ACTN4: variants seen among roughly 807,000 people sequenced by gnomAD.
The protein encoded by ACTN4 is actinin alpha 4, also known as alpha-actinin-4.
A neutral mutation model predicts 114.2 loss-of-function variants in ACTN4; 18 were observed. That is an observed-to-expected ratio of 0.16 (90% CI 0.11 to 0.23). The LOEUF is 0.23. Ranked by LOEUF, ACTN4 falls within the 10% of genes least tolerant of loss-of-function variation. The pLI is 1.00. For missense variants in ACTN4, 722 were observed against 1,262.9 expected, an observed-to-expected ratio of 0.57 and a Z score of 6.49; for synonymous variants, 515 against 506.3, an observed-to-expected ratio of 1.02 and a Z score of -0.23.
intron 19 of ACTN4, chr19:38,728,361 A>G: frequency 1.4e-6 from 2 of 1,414,516 alleles, no homozygotes; most frequent in Non-Finnish European, 1.9e-6. Flanking sequence ...GGCTCTGCTT[A>G]TCTCCACAGG....
chr19:38,685,738 A>T (rs934900160), intron 1 of ACTN4, among the ~76,000 whole-genome samples: 1 of 152,090 alleles, frequency 6.6e-6, no homozygotes, highest in African/African-American at 2.4e-5. Context: ...GCTCCACCCT[A>T]GCTGGGATGC....
At chr19:38,691,403 AAAAAAAAAAAAC>A (rs1188589320) in intron 1 of ACTN4, among the ~76,000 whole-genome samples, 1 of 143,806 alleles carries the variant, frequency 7.0e-6, no homozygotes, top group Non-Finnish European at 1.5e-5. Context: ...CTCCGTCTCA[AAAAAAAAAAAAC>A]AAAAAAAACA....
At chr19:38,690,415 A>T (rs1303723166) in intron 1 of ACTN4, among the ~76,000 whole-genome samples, 1 of 152,222 alleles carries the variant, frequency 6.6e-6, no homozygotes, top group Non-Finnish European at 1.5e-5. Flanking sequence ...TGTGCGGCTC[A>T]GTGCTCGAGT....
At chr19:38,659,931 T>A (rs1422530896) in intron 1 of ACTN4, among the ~76,000 whole-genome samples, 1 of 151,176 alleles carries the variant, frequency 6.6e-6, no homozygotes, top group African/African-American at 2.4e-5. Context: ...CTTTTTTTTT[T>A]TTTTTTGAGT....
chr19:38,691,425 A>C (rs377599585), intron 1 of ACTN4, among the ~76,000 whole-genome samples: 52 of 127,824 alleles, frequency 4.1e-4, no homozygotes, highest in African/African-American at 1.2e-3. Flanking sequence ...CAAAAAAAAC[A>C]AAAAAAAAAA....
chr19:38,659,082 A>T (rs1976800328), intron 1 of ACTN4, among the ~76,000 whole-genome samples: 1 of 20,664 alleles, frequency 4.8e-5, no homozygotes, highest in Non-Finnish European at 1.5e-4. Context: ...TTTTTTTGAG[A>T]CGGAGTCTTA....
At position 38,731,234 on chromosome 19, in the gene ACTN4, G is replaced by T. The variant is rs529335785; in HGVS notation, c.*1802G>T. The T allele has an allele frequency of 3.2e-5, 52 of 1,609,466 alleles. 1 individual carries two copies. In the South Asian group the frequency reaches 5.1e-4, roughly 16 times the overall value. On this transcript the variant is annotated 3_prime_UTR_variant, in exon 21 of 21. Transcript: ENST00000252699. Reference sequence around the variant, plus strand: ...TGTTCAGGTGGAAGCCTAGGGGGAGGCTGCTTCTGAGCCCAGTGGCCCACA... The same window carrying T: ...TGTTCAGGTGGAAGCCTAGGGGGAGTCTGCTTCTGAGCCCAGTGGCCCACA...
intron 1 of ACTN4, among the ~76,000 whole-genome samples, chr19:38,687,270 G>A (rs781137019): frequency 6.6e-6 from 1 of 152,140 alleles, no homozygotes. Context: ...CCTGCACCCA[G>A]CCCCTCTGGT....
chr19:38,696,202 T>C (rs930965236), intron 1 of ACTN4, among the ~76,000 whole-genome samples: 4 of 152,154 alleles, frequency 2.6e-5, no homozygotes, highest in Non-Finnish European at 5.9e-5. Flanking sequence ...GATCGCTTGA[T>C]TAATGAGATC....
chr19:38,682,648 G>A (rs935856407), intron 1 of ACTN4, among the ~76,000 whole-genome samples: 2 of 152,282 alleles, frequency 1.3e-5, no homozygotes, highest in Non-Finnish European at 1.5e-5. Context: ...GGCGTTCTCC[G>A]CGCGAAATCT....
chr19:38,671,670 A>C (rs1473652670), intron 1 of ACTN4, among the ~76,000 whole-genome samples: 1 of 152,192 alleles, frequency 6.6e-6, no homozygotes, highest in Non-Finnish European at 1.5e-5. Flanking sequence ...AAATTTGGAC[A>C]CTTATCCCTG....
At chr19:38,668,567 TC>T (rs1444768294) in intron 1 of ACTN4, among the ~76,000 whole-genome samples, 11 of 152,094 alleles carry the variant, frequency 7.2e-5, no homozygotes, top group Admixed American at 6.6e-4. Context: ...GCGCCTGTAG[TC>T]CCAGCTACTC....
Position 38,729,142 on chromosome 19 carries a change from A to G in ACTN4, c.2565A>G (p.Leu855=), listed in dbSNP as rs2145117001. Reference sequence around the variant, plus strand: ...AGGTCATCGCTTCCTTCAAGGTCTTAGCAGGGGACAAGGTGAGCGAGACCC... The same window carrying G: ...AGGTCATCGCTTCCTTCAAGGTCTTGGCAGGGGACAAGGTGAGCGAGACCC... ...ADQVIASFKV[L]AGDKNFITAE... is the part of the protein sequence containing the mutation. The change falls in exon 20 of 21, where the codon TTA becomes TTG. Residue 855 remains leucine (L), a synonymous_variant. Coordinates refer to ENST00000252699, the MANE Select transcript of ACTN4 (RefSeq NM_004924.6). 2 of 1,612,898 alleles carry G rather than the reference A, an allele frequency of 1.2e-6. No homozygotes were observed. Among genetic ancestry groups the G allele is most frequent in the Non-Finnish European group, 1.7e-6 (2 of 1,179,956 alleles).
intron 3 of ACTN4, among the ~76,000 whole-genome samples, chr19:38,702,486 G>T (rs542309422): frequency 6.6e-6 from 1 of 152,318 alleles, no homozygotes; most frequent in South Asian, 2.1e-4. Context: ...CATGAGAAAC[G>T]CCATCCTCCT....
intron 1 of ACTN4, among the ~76,000 whole-genome samples, chr19:38,695,836 G>GC (rs944907399): frequency 1.3e-4 from 19 of 148,466 alleles, no homozygotes; most frequent in African/African-American, 3.9e-4. Flanking sequence ...GTCGCTTGGT[G>GC]CCCCCCCACC....
chr19:38,715,900 ATTG>A (rs1376832069), intron 9 of ACTN4, among the ~76,000 whole-genome samples: 2 of 152,048 alleles, frequency 1.3e-5, no homozygotes, highest in African/African-American at 4.8e-5. Context: ...TACTTCTAGA[ATTG>A]TTTTATTATT....
intron 19 of ACTN4, chr19:38,728,371 G>C (rs960609839): frequency 1.4e-6 from 2 of 1,396,074 alleles, no homozygotes; most frequent in African/African-American, 1.5e-5. Context: ...ATCTCCACAG[G>C]ATACAGCCTG....
At chr19:38,713,823 C>T (rs186116567) in intron 8 of ACTN4, among the ~76,000 whole-genome samples, 6 of 152,174 alleles carry the variant, frequency 3.9e-5, no homozygotes, top group African/African-American at 1.4e-4. Context: ...CACCCCCTGC[C>T]TCCTCTACAC....
Position 38,727,332 on chromosome 19 carries a change from G to A in ACTN4, c.2337+229G>A, listed in dbSNP as rs1318440451. Among the ~76,000 whole-genome samples the A allele has an allele frequency of 1.3e-5, 2 of 152,200 alleles. No homozygotes were observed. The highest frequency in any genetic ancestry group is 2.1e-4 in the South Asian group (1 of 4,830). The stretch of plus-strand genomic sequence containing the variant: ...CAGGGGGCCGGAGGTCCCAAGTCCT[G>A]CCTTCTGGGGTGGCATCCTCACCAC... On this transcript the variant is annotated intron_variant, in intron 18 of 20. Transcript: ENST00000252699. This position sits in a 1 kb window ranked among gnomAD's most constrained non-coding sequence, Gnocchi z 5.4.
Sources: gnomAD v4.1 joint callset for allele counts (sites outside exome capture counted in the v4.1 genomes callset) on GRCh38, gnomAD v4.1.1 for gene constraint, Gnocchi (gnomAD v3.1) non-coding constraint, MANE v1.5 for transcripts, NCBI Gene and HGNC (gene_info 2026-07-23, HGNC 2026-07-21) for gene names.